The following DZIP3 variants were observed in gnomAD, a reference collection of about 807,000 sequenced individuals.
The protein encoded by DZIP3 is E3 ubiquitin-protein ligase DZIP3.
A neutral mutation model predicts 162.0 loss-of-function variants in DZIP3; 118 were observed. The ratio of observed to expected loss-of-function variants is 0.73; its 90% CI spans 0.63 to 0.85. The LOEUF (loss-of-function observed/expected upper bound fraction) is 0.85, where lower values mean the gene tolerates loss of function less well. Among genes scored for constraint, DZIP3 ranks in the 40% least tolerant of loss-of-function variants. The pLI is 0.00. For missense variants in DZIP3, 1,331 were observed against 1,407.0 expected (o/e 0.95, Z 0.86); for synonymous variants, 438 against 458.6 (o/e 0.96, Z 0.57).
intron 3 of DZIP3, among the ~76,000 whole-genome samples, chr3:108,609,184 A>G (rs1940560407): frequency 6.6e-6 from 1 of 152,178 alleles, no homozygotes; most frequent in Admixed American, 6.5e-5. Flanking sequence ...ACAATTCAGC[A>G]TGAGACTTGG....
At chr3:108,683,484 A>G (rs1944391069) in intron 26 of DZIP3, among the ~76,000 whole-genome samples, 1 of 152,116 alleles carries the variant, frequency 6.6e-6, no homozygotes, top group East Asian at 1.9e-4. Flanking sequence ...CTCCTGCTTT[A>G]TGCTTAATGC....
chr3:108,609,009 GGAGAGAAA>G (rs1940549256), intron 3 of DZIP3, among the ~76,000 whole-genome samples: 1 of 152,150 alleles, frequency 6.6e-6, no homozygotes, highest in Admixed American at 6.5e-5. Flanking sequence ...CGTGGCGGCA[GGAGAGAAA>G]GAGACCAAAG....
In DZIP3 at chr3:108,647,995, C is replaced by T; in HGVS notation, c.1845C>T (p.Leu615=). 6.2e-7 allele frequency: 1 copy of T among 1,605,124 alleles called. No individual in the cohort carries two copies. The highest frequency in any genetic ancestry group is 1.1e-5 in the South Asian group (1 of 88,946). Residue 615 remains leucine (L), a synonymous_variant, in exon 16 of 33, where the codon CTC becomes CTT. Transcript: ENST00000361582. ...AGGAAGAAGAACTAAGTCCACCTCT[C>T]ATGGAGTACAATATAAATGTGAAAT... ...QNEEEELSPP[L]MEYNINVKSH...
chr3:108,661,739 G>T lies in DZIP3; in HGVS notation c.2200-138G>T, dbSNP rs1480537291. The T allele has an allele frequency of 1.5e-5, 9 of 605,624 alleles. No individual in the cohort carries two copies. The East Asian group carries it at 2.2e-4, about 15-fold the overall frequency. The allele number at this position is 605,624 out of a possible 1,614,324, so 37.5% of individuals were successfully genotyped here. ...TTATTAAATGCTGTAATTGAGGGGAGGTGGGTTTATCTAAATTGAGTGTTT... is the reference window on the plus strand; with the variant it reads ...TTATTAAATGCTGTAATTGAGGGGATGTGGGTTTATCTAAATTGAGTGTTT... On this transcript the variant is annotated intron_variant, in intron 19 of 32. Transcript: ENST00000361582.
chr3:108,592,552 G>A (rs1248796250), intron 1 of DZIP3, among the ~76,000 whole-genome samples: 1 of 151,774 alleles, frequency 6.6e-6, no homozygotes, highest in Non-Finnish European at 1.5e-5. Context: ...AAAATTAGAT[G>A]GGTGTGGGTG....
At chr3:108,672,898 T>C (rs1328665137) in intron 23 of DZIP3, among the ~76,000 whole-genome samples, 1 of 151,978 alleles carries the variant, frequency 6.6e-6, no homozygotes, top group Non-Finnish European at 1.5e-5. Context: ...GAAATTGGTC[T>C]GTTACAGTAT....
In DZIP3 at chr3:108,672,614, A is replaced by T; in HGVS notation, c.2547A>T (p.Val849=). The change falls in exon 23 of 33, where the codon GTA becomes GTT. Residue 849 remains valine, a synonymous_variant. Transcript: ENST00000361582. ...TGGAAAGCACAATGAAAACATACGT[A>T]AGCAAACTGAACGCAGAAACTAGCA... is the stretch of plus-strand genomic sequence containing the variant. ...HNLESTMKTY[V]SKLNAETSRA... is the part of the protein sequence containing the mutation. 1.2e-6 allele frequency: 2 copies of T among 1,612,164 alleles called. No individual in the cohort carries two copies. The highest frequency in any genetic ancestry group is 1.3e-5 in the African/African-American group (1 of 74,934).
chr3:108,681,604 C>CA (rs201760911), intron 26 of DZIP3, among the ~76,000 whole-genome samples: 3,627 of 152,120 alleles, frequency 0.024, 60 homozygotes, highest in Middle Eastern at 0.051. Flanking sequence ...GATTGTAAAT[C>CA]ATTCTACTAT....
In DZIP3 at chr3:108,624,540, T is replaced by C; in HGVS notation, c.456+16T>C. The C allele has an allele frequency of 1.4e-5, 20 of 1,425,528 alleles. No individual in the cohort carries two copies. The highest frequency in any genetic ancestry group is 1.8e-5 in the Non-Finnish European group (19 of 1,036,916). The allele number at this position is 1,425,528 out of a possible 1,614,324, so 88.3% of individuals were successfully genotyped here. The stretch of plus-strand genomic sequence containing the variant: ...AAAGAAAGAGGTATGTAACATGTTA[T>C]TTGCCCTTTATAAATCTTTTTACAT... On this transcript the variant is annotated intron_variant, in intron 6 of 32. Transcript: ENST00000361582.
At position 108,644,773 on chromosome 3, in the gene DZIP3, A is replaced by G; in HGVS notation, c.1751A>G (p.Tyr584Cys). The change falls in exon 14 of 33, where the codon TAT (tyrosine) becomes TGT (cysteine). Residue 584 changes from tyrosine (Y) to cysteine (C), a missense_variant. Physicochemically the swap from Tyr to Cys is radical, Grantham distance 194. This residue lies in a region of DZIP3 where 1,278 missense variants were observed against 1,317.1 expected (regional missense o/e 0.97). Transcript: ENST00000361582. ...PEIIQRMLSC[Y>C]QQGIALQSIT... ...ATCATACAGAGGATGTTATCCTGCT[A>G]TCAACAAGGTACTAAATGATTATTT... 2.5e-6 allele frequency: 4 copies of G among 1,598,944 alleles called. No individual in the cohort carries two copies. The highest frequency in any genetic ancestry group is 1.7e-4 in the Middle Eastern group (1 of 6,036).
intron 5 of DZIP3, among the ~76,000 whole-genome samples, chr3:108,622,714 C>T (rs978193898): frequency 1.3e-5 from 2 of 152,096 alleles, no homozygotes; most frequent in Non-Finnish European, 2.9e-5. Flanking sequence ...CCCAGTAACC[C>T]TGTGTCTCTT....
At chr3:108,609,519 A>G (rs1576353565) in intron 3 of DZIP3, among the ~76,000 whole-genome samples, 2 of 152,320 alleles carry the variant, frequency 1.3e-5, no homozygotes, top group Admixed American at 1.3e-4. Context: ...TTAAGCATCA[A>G]ATATTTTTTG....
At chr3:108,656,263 C>T (rs542912725) in intron 19 of DZIP3, among the ~76,000 whole-genome samples, 1 of 152,180 alleles carries the variant, frequency 6.6e-6, no homozygotes, top group Non-Finnish European at 1.5e-5. Flanking sequence ...CAGACTGACA[C>T]CTCACACGGC....
At chr3:108,613,042 T>C (rs971211597) in intron 4 of DZIP3, among the ~76,000 whole-genome samples, 1 of 152,142 alleles carries the variant, frequency 6.6e-6, no homozygotes, top group African/African-American at 2.4e-5. Flanking sequence ...TGTGTTTTAG[T>C]AAGTACCTAA....
chr3:108,616,375 CAT>C (rs943047680), intron 4 of DZIP3, among the ~76,000 whole-genome samples, 164 bp from the exon 5 acceptor site: 8 of 150,102 alleles, frequency 5.3e-5, no homozygotes, highest in African/African-American at 1.2e-4. Context: ...TAAAAGCAAA[CAT>C]ATGAGAACAG....
At chr3:108,653,968 T>C (rs1161602492) in intron 18 of DZIP3, among the ~76,000 whole-genome samples, 177 bp from the exon 19 acceptor site, 2 of 152,138 alleles carry the variant, frequency 1.3e-5, no homozygotes, top group African/African-American at 4.8e-5. Context: ...TAATATTCAT[T>C]ATGAATCTTC....
chr3:108,627,605 A>G (rs1244544719), intron 7 of DZIP3, among the ~76,000 whole-genome samples: 5 of 152,158 alleles, frequency 3.3e-5, no homozygotes, highest in African/African-American at 7.2e-5. Flanking sequence ...TCAGCACCAT[A>G]TTAGGACTGG....
At chr3:108,629,318 G>A in intron 8 of DZIP3, 142 bp downstream of exon 8, 1 of 543,254 alleles carries the variant, frequency 1.8e-6, no homozygotes, top group Non-Finnish European at 3.2e-6. Context: ...ACCTAGTGCA[G>A]AACGTATGAT....
At chr3:108,659,117 AGGGAATCC>A (rs1943292396) in intron 19 of DZIP3, among the ~76,000 whole-genome samples, 1 of 152,228 alleles carries the variant, frequency 6.6e-6, no homozygotes, top group Non-Finnish European at 1.5e-5. Context: ...ATAGAAAAAG[AGGGAATCC>A]TCCCTAACTT....
Sources: gnomAD v4.1 joint callset for allele counts (sites outside exome capture counted in the v4.1 genomes callset) on GRCh38, gnomAD v4.1.1 for gene constraint, gnomAD v4.1.1 regional missense constraint, MANE v1.5 for transcripts, NCBI Gene and HGNC (gene_info 2026-07-23, HGNC 2026-07-21) for gene names.